Variants in EIF3B observed in about 807,000 individuals in gnomAD.
EIF3B encodes eukaryotic translation initiation factor 3 subunit B, also known as eukaryotic translation initiation factor 3 subunit 9.
Under a neutral mutation model 104.6 loss-of-function variants are expected in EIF3B, and 10 were observed. That is an observed-to-expected ratio of 0.10 (90% CI 0.06 to 0.16). The LOEUF is 0.16. Among genes scored for constraint, EIF3B ranks in the 10% least tolerant of loss-of-function variants. EIF3B has a pLI of 1.00. For synonymous variants in EIF3B, 542 were observed against 417.2 expected (o/e 1.30, Z -3.65); for missense variants, 1,014 against 1,087.9 (o/e 0.93, Z 0.96).
Position 2,367,822 on chromosome 7 carries a change from AAAAT to A in EIF3B, c.1403+778_1403+781del, listed in dbSNP as rs1562484072. Among the ~76,000 whole-genome samples the A allele has an allele frequency of 6.8e-4, 78 of 114,066 alleles. 2 individuals carry two copies. In the South Asian group the frequency reaches 0.015, roughly 23 times the overall value. 74.8% of individuals were successfully genotyped at this position (114,066 alleles called of 152,430 possible). ...AAAACGGTGAGTTTGTTCTTTTTTTAAAATTTTTTTTTTTTTTTTTTTTTTTTTT... is the reference window on the plus strand; with the variant it reads ...AAAACGGTGAGTTTGTTCTTTTTTTATTTTTTTTTTTTTTTTTTTTTTTTT... On this transcript the variant is annotated intron_variant, in intron 9 of 18. Coordinates refer to ENST00000360876, the MANE Select transcript of EIF3B (RefSeq NM_001037283.2).
chr7:2,357,154 C>T (rs1181663819), intron 1 of EIF3B, among the ~76,000 whole-genome samples: 1 of 152,174 alleles, frequency 6.6e-6, no homozygotes, highest in Non-Finnish European at 1.5e-5. Flanking sequence ...ATTATTTGAG[C>T]CCATCGAATT....
rs141799844 is a variant in EIF3B at position 2,367,802 on chromosome 7, G to A, written c.1403+757G>A. Among the ~76,000 whole-genome samples, 242 of 143,738 alleles carry A rather than the reference G, an allele frequency of 1.7e-3. 1 individual carries two copies. Among genetic ancestry groups the A allele is most frequent in the African/African-American group, 5.8e-3 (218 of 37,478 alleles). The allele number at this position is 143,738 out of a possible 152,430, so 94.3% of individuals were successfully genotyped here. A position where few individuals can be genotyped will look rare whatever the true frequency, so the allele number is the denominator to read the frequency against. On this transcript the variant is annotated intron_variant, in intron 9 of 18. Coordinates refer to ENST00000360876, the MANE Select transcript of EIF3B (RefSeq NM_001037283.2). ...GTTCTTAACCAGTTGGAGAGAAAAC[G>A]GTGAGTTTGTTCTTTTTTTAAAATT...
intron 1 of EIF3B, among the ~76,000 whole-genome samples, chr7:2,359,030 G>A (rs1442223702): frequency 2.6e-5 from 4 of 151,416 alleles, no homozygotes; most frequent in African/African-American, 9.7e-5. Flanking sequence ...GCTAGCCTGG[G>A]CAGCATAACA....
chr7:2,372,525 C>G lies in EIF3B; in HGVS notation c.1688-148C>G. The G allele has an allele frequency of 4.2e-6, 4 of 950,178 alleles. No individual in the cohort carries two copies. The East Asian group carries it at 7.7e-5, about 18-fold the overall frequency. 58.9% of individuals were successfully genotyped at this position (950,178 alleles called of 1,614,324 possible). ...GAAACTCCAGGAATGTGCACCTTTC[C>G]TGCTGTTGCTTGCTCTCCCGTCCTT... is the stretch of plus-strand genomic sequence containing the variant. On this transcript the variant is annotated intron_variant, in intron 11 of 18. Transcript: ENST00000360876.
chr7:2,369,499 C>T lies in EIF3B; in HGVS notation c.1431C>T (p.Asn477=). ...IKDFSWSPGG[N]IIAFWVPEDK... ...ACTTTTCTTGGTCTCCTGGTGGTAA[C>T]ATAATCGCCTTCTGGGTGCCTGAAG... The change falls in exon 10 of 19, where the codon AAC becomes AAT. Residue 477 remains asparagine (N), a synonymous_variant. Coordinates refer to ENST00000360876, the MANE Select transcript of EIF3B (RefSeq NM_001037283.2). 2.5e-6 allele frequency: 4 copies of T among 1,614,236 alleles called. No homozygotes were observed. The highest frequency in any genetic ancestry group is 3.4e-6 in the Non-Finnish European group (4 of 1,180,050).
chr7:2,359,626 T>C (rs145702819), intron 1 of EIF3B, among the ~76,000 whole-genome samples: 1 of 152,338 alleles, frequency 6.6e-6, no homozygotes, highest in African/African-American at 2.4e-5. Context: ...AGTAAATTAA[T>C]GGAACCCAAG....
chr7:2,371,585 G>A (rs552414897), intron 10 of EIF3B, among the ~76,000 whole-genome samples, 192 bp from the exon 11 acceptor site: 2 of 152,178 alleles, frequency 1.3e-5, no homozygotes, highest in African/African-American at 2.4e-5. Flanking sequence ...TCCAGTAGAC[G>A]TGGTGCCGGC....
chr7:2,365,443 C>T (rs1274613271), intron 6 of EIF3B, among the ~76,000 whole-genome samples: 3 of 152,114 alleles, frequency 2.0e-5, no homozygotes, highest in Non-Finnish European at 2.9e-5. Flanking sequence ...GAGCTGGGGC[C>T]GCTCTGTTTT....
chr7:2,363,211 G>A (rs1779833363), intron 4 of EIF3B, 84 bp downstream of exon 4: 6 of 1,365,822 alleles, frequency 4.4e-6, no homozygotes, highest in Non-Finnish European at 6.2e-6. Flanking sequence ...CCAGCACTTA[G>A]GGAGGCTGAG....
intron 9 of EIF3B, 21 bp downstream of exon 9, chr7:2,367,066 G>C: frequency 6.2e-7 from 1 of 1,603,410 alleles, no homozygotes; most frequent in Non-Finnish European, 8.5e-7. Context: ...TTATCAGTTT[G>C]GTGTCTTAGT....
At chr7:2,356,477 C>T (rs2115272711) in intron 1 of EIF3B, among the ~76,000 whole-genome samples, 1 of 152,030 alleles carries the variant, frequency 6.6e-6, no homozygotes, top group South Asian at 2.1e-4. Flanking sequence ...TGGCGGGCAC[C>T]TGGATTTCCC....
chr7:2,361,457 T>G (rs997720588), intron 2 of EIF3B, among the ~76,000 whole-genome samples: 3 of 152,154 alleles, frequency 2.0e-5, no homozygotes, highest in Non-Finnish European at 2.9e-5. Flanking sequence ...TCTCGCTCTG[T>G]CGCCCAGGCT....
Position 2,362,645 on chromosome 7 carries a change from G to A in EIF3B, c.693G>A (p.Gly231=), listed in dbSNP as rs1779797883. 3 of 1,614,090 alleles carry A rather than the reference G, an allele frequency of 1.9e-6. No homozygotes were observed. Among genetic ancestry groups the A allele is most frequent in the African/African-American group, 1.3e-5 (1 of 74,942 alleles). The change falls in exon 3 of 19, where the codon GGG becomes GGA. Residue 231 remains glycine (G), a splice_region_variant and synonymous_variant. Transcript: ENST00000360876. ...GTGCCAACGGCCCTCTCTCACTCAGGTATATTTTCCTGGAGTACGCGTCCC... is the reference window on the plus strand; with the variant it reads ...GTGCCAACGGCCCTCTCTCACTCAGATATATTTTCCTGGAGTACGCGTCCC... The part of the protein sequence containing the change: ...FYPEEDGKTK[G]YIFLEYASPA...
At position 2,355,213 on chromosome 7, in the gene EIF3B, G is replaced by C. The variant is rs1779334100; in HGVS notation, c.292G>C (p.Glu98Gln). The C allele has an allele frequency of 1.3e-6, 2 of 1,492,060 alleles. No individual in the cohort carries two copies. Among genetic ancestry groups the C allele is most frequent in the Admixed American group, 4.4e-5 (2 of 45,314 alleles). The allele number at this position is 1,492,060 out of a possible 1,614,324, so 92.4% of individuals were successfully genotyped here. The change falls in exon 1 of 19, where the codon GAG (glutamate) becomes CAG (glutamine). Residue 98 changes from glutamate to glutamine, a missense_variant. Glu to Gln is a conservative substitution (Grantham distance 29). Transcript: ENST00000360876. Reference protein sequence around the residue: ...AAEELPGSHAEPPVPAQGEAP... With the variant: ...AAEELPGSHAQPPVPAQGEAP... Reference sequence around the variant, plus strand: ...CGAGGAGCTGCCCGGGTCGCATGCTGAGCCCCCTGTCCCGGCACAGGGCGA... The same window carrying C: ...CGAGGAGCTGCCCGGGTCGCATGCTCAGCCCCCTGTCCCGGCACAGGGCGA...
At position 2,355,373 on chromosome 7, in the gene EIF3B, C is replaced by G; in HGVS notation, c.452C>G (p.Pro151Arg). The change falls in exon 1 of 19, where the codon CCC becomes CGC. Residue 151 changes from proline (P) to arginine (R), a missense_variant. Coordinates refer to ENST00000360876, the MANE Select transcript of EIF3B (RefSeq NM_001037283.2). ...RALENGDADEPSFSDPEDFVD... is the reference protein window; with the variant it reads ...RALENGDADERSFSDPEDFVD... ...CTGGAGAACGGCGACGCGGACGAGC[C>G]CTCCTTCAGCGACCCCGAGGACTTC... The G allele has an allele frequency of 6.5e-7, 1 of 1,532,550 alleles. No individual in the cohort carries two copies. The highest frequency in any genetic ancestry group is 8.7e-7 in the Non-Finnish European group (1 of 1,145,494). 94.9% of individuals were successfully genotyped at this position (1,532,550 alleles called of 1,614,324 possible).
In EIF3B at chr7:2,379,530, C is replaced by T. The variant is rs779606449; in HGVS notation, c.*14+19C>T. ...CACTGTGGTGAGCGTCTGCAGGGGG[C>T]GCGATGGGGGTCCTGTTGGCTGCTC... On this transcript the variant is annotated intron_variant, in intron 18 of 18. Coordinates refer to ENST00000360876, the MANE Select transcript of EIF3B (RefSeq NM_001037283.2). 16 of 1,481,162 alleles carry T rather than the reference C, an allele frequency of 1.1e-5. No homozygotes were observed. The highest frequency in any genetic ancestry group is 4.8e-5 in the South Asian group (4 of 82,774). The allele number at this position is 1,481,162 out of a possible 1,614,324, so 91.8% of individuals were successfully genotyped here.
chr7:2,360,408 T>A (rs1779664547), intron 1 of EIF3B, among the ~76,000 whole-genome samples: 1 of 152,216 alleles, frequency 6.6e-6, no homozygotes, highest in African/African-American at 2.4e-5. Context: ...TCTTCTTCAT[T>A]TGCATTGTGC....
upstream of EIF3B, chr7:2,354,751 G>T (rs1037213551): frequency 8.8e-6 from 4 of 453,698 alleles, no homozygotes; most frequent in Non-Finnish European, 1.2e-5. Context: ...GTCCTCTCAG[G>T]GTCGTTCGTG....
At chr7:2,362,889 G>A in intron 3 of EIF3B, 125 bp downstream of exon 3, 1 of 1,490,330 alleles carries the variant, frequency 6.7e-7, no homozygotes, top group Non-Finnish European at 9.2e-7. Context: ...TGGTCAGGCT[G>A]CCGCAGAGCC....
Sources: allele counts gnomAD v4.1 joint callset (sites outside exome capture counted in the v4.1 genomes callset), GRCh38; gene constraint gnomAD v4.1.1; transcripts MANE v1.5; gene names NCBI Gene and HGNC (gene_info 2026-07-23, HGNC 2026-07-21).